The following FER variants were observed in gnomAD, a reference collection of about 807,000 sequenced individuals.
The protein encoded by FER is tyrosine-protein kinase Fer.
In FER, 63 loss-of-function variants were observed where a neutral mutation model predicts 111.0. The observed-to-expected ratio is 0.57, with a 90% CI of 0.46 to 0.70. The LOEUF (loss-of-function observed/expected upper bound fraction) is 0.70. Among genes scored for constraint, FER ranks in the 30% least tolerant of loss-of-function variants. The pLI, the probability that FER is intolerant of heterozygous loss-of-function variation, is 0.00. For synonymous variants in FER, 327 were observed against 313.9 expected (o/e 1.04, Z -0.44); for missense variants, 914 against 954.0 (o/e 0.96, Z 0.55).
chr5:108,917,317 T>C (rs1022748206), intron 10 of FER, among the ~76,000 whole-genome samples: 1 of 152,162 alleles, frequency 6.6e-6, no homozygotes, highest in Non-Finnish European at 1.5e-5. Flanking sequence ...AGATAGGCCA[T>C]GCTTTTAAGG....
chr5:108,943,890 T>C (rs1302953970), intron 10 of FER, among the ~76,000 whole-genome samples: 9 of 151,834 alleles, frequency 5.9e-5, no homozygotes, highest in Non-Finnish European at 1.2e-4. Flanking sequence ...CACGCTACCA[T>C]GTCTGGCTAA....
chr5:109,135,366 C>G (rs914287989), intron 17 of FER, among the ~76,000 whole-genome samples: 6 of 152,152 alleles, frequency 3.9e-5, no homozygotes, highest in Non-Finnish European at 8.8e-5. Flanking sequence ...TTCTCCAGAT[C>G]ATATAAGTGA....
chr5:108,905,104 A>G (rs1417287817), intron 10 of FER, among the ~76,000 whole-genome samples: 6 of 152,142 alleles, frequency 3.9e-5, no homozygotes, highest in Admixed American at 3.9e-4. Context: ...TCTTTGGCTC[A>G]TATAAATGAA....
At chr5:109,073,045 C>G (rs1162363847) in intron 16 of FER, among the ~76,000 whole-genome samples, 3 of 151,952 alleles carry the variant, frequency 2.0e-5, no homozygotes, top group African/African-American at 7.3e-5. Flanking sequence ...GTTTAAGAGC[C>G]CACCCTAATA....
In FER at chr5:109,029,721, G is replaced by T. The variant is rs371680135; in HGVS notation, c.1657-7701G>T. ...TTTCTGTGAATTGGTATACCCTGTA[G>T]GTAAAGTCATTTCTCTCTGGCTGCT... On this transcript the variant is annotated intron_variant, in intron 13 of 19. Coordinates refer to ENST00000281092, the MANE Select transcript of FER (RefSeq NM_005246.4). 7.9e-5 allele frequency among the ~76,000 whole-genome samples: 12 copies of T among 152,022 alleles called. No homozygotes were observed. The East Asian group carries it at 1.5e-3, about 19-fold the overall frequency.
At chr5:108,771,659 A>G (rs1167696084) in intron 2 of FER, among the ~76,000 whole-genome samples, 1 of 152,232 alleles carries the variant, frequency 6.6e-6, no homozygotes, top group African/African-American at 2.4e-5. Flanking sequence ...ATATAGGACA[A>G]TGAACACCTA....
At chr5:108,952,084 A>G (rs1004110375) in intron 11 of FER, among the ~76,000 whole-genome samples, 9 of 152,242 alleles carry the variant, frequency 5.9e-5, no homozygotes, top group African/African-American at 1.4e-4. Flanking sequence ...AACCCAATCA[A>G]TCAGGAAAAC....
intron 2 of FER, among the ~76,000 whole-genome samples, chr5:108,794,524 G>GCCCCCCCCCCCCCCCCCCC (rs1415651696): frequency 1.1e-4 from 6 of 53,700 alleles, no homozygotes; most frequent in East Asian, 6.2e-4. Flanking sequence ...TGCCCCCTCC[G>GCCCCCCCCCCCCCCCCCCC]CACCCCCCCC....
rs571505333 is a variant in FER at position 108,850,300 on chromosome 5, T to C, written c.481+14493T>C. Among the ~76,000 whole-genome samples the C allele has an allele frequency of 3.9e-5, 6 of 152,334 alleles. No homozygotes were observed. The South Asian group carries it at 1.0e-3, about 26-fold the overall frequency. ...GTTTTTCTGTATGATATCTATAATA[T>C]ACTTTTCCATGTGTTTATTTTGTTT... On this transcript the variant is annotated intron_variant, in intron 5 of 19. Coordinates refer to ENST00000281092, the MANE Select transcript of FER (RefSeq NM_005246.4).
At chr5:108,817,896 C>T (rs1758444501) in intron 3 of FER, 2 of 152,098 alleles carry the variant, frequency 1.3e-5, no homozygotes, top group Admixed American at 1.3e-4. Flanking sequence ...GTACTATTTA[C>T]CTCTATAGTC....
intron 12 of FER, among the ~76,000 whole-genome samples, chr5:108,958,175 A>G (rs1484926454): frequency 2.6e-5 from 4 of 151,786 alleles, no homozygotes; most frequent in South Asian, 2.1e-4. Context: ...ATTTTGATAC[A>G]TTCAATCTTT....
chr5:109,181,763 A>G (rs78432694), intron 18 of FER, among the ~76,000 whole-genome samples: 3 of 152,226 alleles, frequency 2.0e-5, no homozygotes, highest in Non-Finnish European at 2.9e-5. Flanking sequence ...TGAAATTCAC[A>G]TACCATAAAA....
chr5:108,893,412 TA>T (rs1295402373), intron 9 of FER, among the ~76,000 whole-genome samples: 1 of 152,130 alleles, frequency 6.6e-6, no homozygotes, highest in Non-Finnish European at 1.5e-5. Context: ...TTTTCTTCTT[TA>T]TTTTTTTTTT....
chr5:109,030,464 T>G (rs986426652), intron 13 of FER, among the ~76,000 whole-genome samples: 9 of 152,186 alleles, frequency 5.9e-5, no homozygotes, highest in Non-Finnish European at 1.2e-4. Context: ...TTACCTTGTT[T>G]AGGTTTAGCA....
In FER at chr5:109,111,184, G is replaced by A. The variant is rs146107757; in HGVS notation, c.2048+10665G>A. The stretch of plus-strand genomic sequence containing the variant: ...TTAAATATGTGTATAATTTATAGAG[G>A]GTTATATTTTCCATCTGGGGTCTCT... On this transcript the variant is annotated intron_variant, in intron 17 of 19. Transcript: ENST00000281092. Among the ~76,000 whole-genome samples the A allele has an allele frequency of 3.3e-3, 502 of 152,110 alleles. 1 individual carries two copies. The highest frequency in any genetic ancestry group is 5.5e-3 in the Non-Finnish European group (374 of 67,976).
At chr5:108,993,647 G>A (rs961791706) in intron 13 of FER, among the ~76,000 whole-genome samples, 2 of 129,814 alleles carry the variant, frequency 1.5e-5, no homozygotes, top group African/African-American at 2.8e-5. Context: ...GGGCGAGGGC[G>A]AGGGCGAGGG....
chr5:108,903,112 C>G (rs936499960), intron 10 of FER, among the ~76,000 whole-genome samples: 6 of 151,964 alleles, frequency 3.9e-5, no homozygotes, highest in African/African-American at 1.2e-4. Context: ...GAAAGAGTCT[C>G]CCTTATATGT....
chr5:109,038,301 T>A (rs536753944), intron 14 of FER, among the ~76,000 whole-genome samples: 1 of 152,030 alleles, frequency 6.6e-6, no homozygotes, highest in Admixed American at 6.6e-5. Context: ...CAAAAAATAG[T>A]TTAAAATCTA....
At chr5:109,026,772 G>A (rs112514525) in intron 13 of FER, among the ~76,000 whole-genome samples, 1 of 152,156 alleles carries the variant, frequency 6.6e-6, no homozygotes, top group South Asian at 2.1e-4. Context: ...TCCGCCTCCC[G>A]GGTTCAAGGA....
Sources: gnomAD v4.1 joint callset for allele counts (sites outside exome capture counted in the v4.1 genomes callset) on GRCh38, gnomAD v4.1.1 for gene constraint, MANE v1.5 for transcripts, NCBI Gene and HGNC (gene_info 2026-07-23, HGNC 2026-07-21) for gene names.